The following DOK5 variants were observed in gnomAD, a reference collection of about 807,000 sequenced individuals.
DOK5 encodes the protein docking protein 5, also known as downstream of tyrosine kinase 5.
Under a neutral mutation model 43.3 loss-of-function variants are expected in DOK5, and 27 were observed. That is an observed-to-expected ratio of 0.62 (90% CI 0.46 to 0.86). The LOEUF is 0.86. DOK5 is among the 40% of genes least tolerant of loss of function. The pLI, the probability that DOK5 is intolerant of heterozygous loss-of-function variation, is 0.00. For synonymous variants in DOK5, 146 were observed against 140.1 expected (o/e 1.04, Z -0.30); for missense variants, 373 against 392.9 (o/e 0.95, Z 0.43).
chr20:54,494,260 A>G (rs1288456102), intron 1 of DOK5, among the ~76,000 whole-genome samples: 3 of 152,212 alleles, frequency 2.0e-5, no homozygotes, highest in Admixed American at 6.5e-5. Flanking sequence ...AAGGAGCTGG[A>G]TGTTCTACAC....
Position 54,568,932 on chromosome 20 carries a change from A to T in DOK5, c.174+13892A>T, listed in dbSNP as rs140247110. On this transcript the variant is annotated intron_variant, in intron 2 of 7. Transcript: ENST00000262593. ...GGGCGACAGAGCAAGACTCTATCTC[A>T]AAATAAATAAATAAATAAATAAACG... Among the ~76,000 whole-genome samples the T allele has an allele frequency of 5.7e-3, 860 of 149,932 alleles. 10 individuals carry two copies. Among genetic ancestry groups the T allele is most frequent in the African/African-American group, 0.02 (787 of 40,218 alleles).
At chr20:54,521,574 T>C (rs1057508083) in intron 1 of DOK5, among the ~76,000 whole-genome samples, 1 of 152,202 alleles carries the variant, frequency 6.6e-6, no homozygotes, top group African/African-American at 2.4e-5. Flanking sequence ...GGAGCTTCTG[T>C]GTCCTCTTGA....
intron 6 of DOK5, among the ~76,000 whole-genome samples, chr20:54,634,251 C>T (rs1002118412): frequency 6.7e-6 from 1 of 149,602 alleles, no homozygotes; most frequent in Non-Finnish European, 1.5e-5. Flanking sequence ...GCCCTTCACT[C>T]ACTGTGAGTA....
chr20:54,558,236 T>C (rs571137254), intron 2 of DOK5, among the ~76,000 whole-genome samples: 3 of 152,310 alleles, frequency 2.0e-5, no homozygotes, highest in African/African-American at 7.2e-5. Flanking sequence ...CCAAAGTGGA[T>C]GAAAAAGCTC....
intron 7 of DOK5, among the ~76,000 whole-genome samples, chr20:54,645,677 C>G (rs13433086): frequency 6.6e-6 from 1 of 151,980 alleles, no homozygotes; most frequent in African/African-American, 2.4e-5. Context: ...GGCCGGTTTT[C>G]ATTTCATATT....
intron 1 of DOK5, among the ~76,000 whole-genome samples, chr20:54,477,488 T>C (rs1290049461): frequency 6.6e-6 from 1 of 152,220 alleles, no homozygotes; most frequent in Non-Finnish European, 1.5e-5. Flanking sequence ...TCCTTGGTTT[T>C]CTTTTCTGCT....
Position 54,572,814 on chromosome 20 carries a change from C to G in DOK5, c.175-15669C>G, listed in dbSNP as rs1233029139. ...ATCATTCTCTGGAGTTCGCCTGCCT[C>G]TGCCACTAGTTGGGAATGGTCCAAC... is the stretch of plus-strand genomic sequence containing the variant. On this transcript the variant is annotated intron_variant, in intron 2 of 7. Coordinates refer to ENST00000262593, the MANE Select transcript of DOK5 (RefSeq NM_018431.5). Among the ~76,000 whole-genome samples the G allele has an allele frequency of 2.6e-5, 4 of 152,288 alleles. No homozygotes were observed. In the East Asian group the frequency reaches 7.7e-4, roughly 29 times the overall value.
intron 6 of DOK5, among the ~76,000 whole-genome samples, chr20:54,622,645 G>A (rs1329833601): frequency 6.6e-6 from 1 of 152,148 alleles, no homozygotes; most frequent in Non-Finnish European, 1.5e-5. Context: ...ACTTGAGATG[G>A]GGGCTCCGTC....
intron 1 of DOK5, among the ~76,000 whole-genome samples, chr20:54,506,943 G>A (rs995278400): frequency 2.0e-5 from 3 of 152,142 alleles, no homozygotes; most frequent in Non-Finnish European, 4.4e-5. Flanking sequence ...TGATTTCTTT[G>A]AAGTTAGCCA....
chr20:54,520,853 A>C (rs748897475), intron 1 of DOK5, among the ~76,000 whole-genome samples: 1 of 135,114 alleles, frequency 7.4e-6, no homozygotes, highest in Non-Finnish European at 1.7e-5. Context: ...TAAAATACAG[A>C]GTCCTTCATG....
chr20:54,590,916 G>C (rs955421808), intron 4 of DOK5, among the ~76,000 whole-genome samples: 1 of 152,144 alleles, frequency 6.6e-6, no homozygotes, highest in African/African-American at 2.4e-5. Context: ...GACTGTATCT[G>C]CAGGGATGAA....
intron 6 of DOK5, among the ~76,000 whole-genome samples, chr20:54,617,193 T>C (rs1031533552): frequency 3.9e-5 from 6 of 152,188 alleles, no homozygotes; most frequent in Admixed American, 3.9e-4. Context: ...CAGAGGCCAC[T>C]CTCAGCTCCT....
At chr20:54,595,141 A>G (rs1368694110) in intron 5 of DOK5, among the ~76,000 whole-genome samples, 4 of 152,150 alleles carry the variant, frequency 2.6e-5, no homozygotes, top group Non-Finnish European at 4.4e-5. Flanking sequence ...GGAGATCGAG[A>G]CCATCCTGGC....
chr20:54,604,055 TC>T (rs1269439116), intron 5 of DOK5, among the ~76,000 whole-genome samples: 1 of 149,414 alleles, frequency 6.7e-6, no homozygotes, highest in African/African-American at 2.5e-5. Context: ...CACGCCGTTC[TC>T]CTGCCTCAGC....
chr20:54,476,757 C>G (rs2146650602), intron 1 of DOK5, among the ~76,000 whole-genome samples: 1 of 152,246 alleles, frequency 6.6e-6, no homozygotes, highest in South Asian at 2.1e-4. Context: ...GCACTTGGGA[C>G]AGATGTTGAC....
chr20:54,589,082 C>T (rs560631001), intron 4 of DOK5, among the ~76,000 whole-genome samples: 1 of 152,224 alleles, frequency 6.6e-6, no homozygotes, highest in Admixed American at 6.5e-5. Context: ...ATGCTTAACT[C>T]ATCTCAGATT....
chr20:54,476,302 C>T lies in DOK5; in HGVS notation c.66+290C>T. ...CTCGAAATAAATATTTCTCGGTAGCCATGGAAGTTGGAGCTGAGAAGCCCG... is the reference window on the plus strand; with the variant it reads ...CTCGAAATAAATATTTCTCGGTAGCTATGGAAGTTGGAGCTGAGAAGCCCG... On this transcript the variant is annotated intron_variant, in intron 1 of 7. Coordinates refer to ENST00000262593, the MANE Select transcript of DOK5 (RefSeq NM_018431.5). 3 of 852,936 alleles carry T rather than the reference C, an allele frequency of 3.5e-6. No homozygotes were observed. The South Asian group carries it at 1.6e-4, about 46-fold the overall frequency. 52.8% of individuals were successfully genotyped at this position (852,936 alleles called of 1,614,324 possible).
intron 1 of DOK5, among the ~76,000 whole-genome samples, chr20:54,554,517 T>G (rs114334836): frequency 2.6e-5 from 4 of 152,226 alleles, no homozygotes; most frequent in Admixed American, 6.5e-5. Context: ...ACGACAACCA[T>G]GAGCTGCCAG....
chr20:54,615,424 C>T (rs977554444), intron 6 of DOK5, among the ~76,000 whole-genome samples: 4 of 151,704 alleles, frequency 2.6e-5, no homozygotes, highest in African/African-American at 9.7e-5. Flanking sequence ...CCAGGTGGGT[C>T]GAATATAATC....
Sources: allele counts gnomAD v4.1 joint callset (sites outside exome capture counted in the v4.1 genomes callset), GRCh38; gene constraint gnomAD v4.1.1; transcripts MANE v1.5; gene names NCBI Gene and HGNC (gene_info 2026-07-23, HGNC 2026-07-21).